The following IRAG1 variants were observed in gnomAD, a reference collection of about 807,000 sequenced individuals.
IRAG1 encodes the protein inositol 1,4,5-triphosphate receptor associated 1.
Under a neutral mutation model 106.2 loss-of-function variants are expected in IRAG1, and 62 were observed. The observed-to-expected ratio is 0.58, with a 90% CI of 0.48 to 0.72. IRAG1 has a LOEUF of 0.72. Ranked by LOEUF, IRAG1 falls within the 30% of genes least tolerant of loss-of-function variation. The probability of loss-of-function intolerance (pLI) is 0.00; values close to 1 mark genes in which losing one functional copy is unlikely to be tolerated. For missense variants in IRAG1, 1,064 were observed against 1,140.7 expected, an observed-to-expected ratio of 0.93 and a Z score of 0.97; for synonymous variants, 462 against 443.9, an observed-to-expected ratio of 1.04 and a Z score of -0.51.
At chr11:10,584,660 T>C (rs1851763890) in intron 18 of IRAG1, among the ~76,000 whole-genome samples, 2 of 150,170 alleles carry the variant, frequency 1.3e-5, no homozygotes, top group South Asian at 2.1e-4. Context: ...ATGTTAAGCA[T>C]GCGTGAAGGA....
At position 10,603,104 on chromosome 11, in the gene IRAG1, G is replaced by T; in HGVS notation, c.1875+16C>A. On this transcript the variant is annotated intron_variant, in intron 14 of 20. Transcript: ENST00000423302. ...GTGGAACAGAGTTGGCAAGACCGGGGGCTGGAGAGACTCACCTGGCGGACG... is the reference window on the plus strand; with the variant it reads ...GTGGAACAGAGTTGGCAAGACCGGGTGCTGGAGAGACTCACCTGGCGGACG... 1 of 1,605,942 alleles carries T rather than the reference G, an allele frequency of 6.2e-7. No homozygotes were observed.
At position 10,626,324 on chromosome 11, in the gene IRAG1, G is replaced by C. The variant is rs200259808; in HGVS notation, c.1010C>G (p.Thr337Arg). 265 of 1,613,310 alleles carry C rather than the reference G, an allele frequency of 1.6e-4. No homozygotes were observed. Among genetic ancestry groups the C allele is most frequent in the Non-Finnish European group, 2.0e-4 (241 of 1,179,658 alleles). Reference sequence around the variant, plus strand: ...CGGCAGAGGGCTGCCCTCCCAGCCCGTTTTCAAGAGCTGCTTCCCCAGCTC... The same window carrying C: ...CGGCAGAGGGCTGCCCTCCCAGCCCCTTTTCAAGAGCTGCTTCCCCAGCTC... ...ESELGKQLLK[T>R]GWEGSPLPRS... The change falls in exon 9 of 21, where the codon ACG (threonine) becomes AGG (arginine). Residue 337 changes from threonine (T) to arginine (R), a missense_variant. Physicochemically the swap from Thr to Arg is moderately conservative, Grantham distance 71 (BLOSUM62 -1). Transcript: ENST00000423302.
intron 15 of IRAG1, among the ~76,000 whole-genome samples, chr11:10,594,408 A>G (rs1853040244): frequency 6.6e-6 from 1 of 151,490 alleles, no homozygotes; most frequent in Admixed American, 6.6e-5. Context: ...CTTTATCCTA[A>G]CTCCCCTTCT....
chr11:10,657,443 T>G lies in IRAG1; in HGVS notation c.68-5261A>C, dbSNP rs924029356. 3.9e-5 allele frequency among the ~76,000 whole-genome samples: 6 copies of G among 151,904 alleles called. No individual in the cohort carries two copies. Among genetic ancestry groups the G allele is most frequent in the African/African-American group, 1.2e-4 (5 of 41,344 alleles). Reference sequence around the variant, plus strand: ...GCAACCTGCCTAGGAGAGACCAAACTCCTCTCTGAAACCACAGTATCCCAG... The same window carrying G: ...GCAACCTGCCTAGGAGAGACCAAACGCCTCTCTGAAACCACAGTATCCCAG... On this transcript the variant is annotated intron_variant, in intron 1 of 20. Transcript: ENST00000423302. This position sits in a 1 kb window ranked among gnomAD's most constrained non-coding sequence, Gnocchi z 4.1.
rs1332760296 is a variant in IRAG1 at position 10,629,731 on chromosome 11, TG to T, written c.401-21del. 1 of 1,609,356 alleles carries T rather than the reference TG, an allele frequency of 6.2e-7. No homozygotes were observed. Among genetic ancestry groups the T allele is most frequent in the African/African-American group, 1.3e-5 (1 of 74,976 alleles). On this transcript the variant is annotated intron_variant, in intron 4 of 20. Transcript: ENST00000423302. ...CGGGGTCTGCAGAAGGAGGATGAGC[TG>T]GGGTGAGAGCCACTGCATCCGTGGC...
chr11:10,588,956 T>G (rs1591554243), intron 18 of IRAG1: 2 of 152,320 alleles, frequency 1.3e-5, no homozygotes, highest in Admixed American at 1.3e-4. Context: ...TGAGCTTTGT[T>G]TTCTCTTCAT....
chr11:10,686,259 A>C (rs564010180), intron 1 of IRAG1, among the ~76,000 whole-genome samples: 1 of 152,304 alleles, frequency 6.6e-6, no homozygotes, highest in Admixed American at 6.5e-5. Context: ...CGCCCACGTC[A>C]AACAGTAAGT....
chr11:10,650,019 C>A (rs1218661085), intron 2 of IRAG1, among the ~76,000 whole-genome samples: 1 of 152,210 alleles, frequency 6.6e-6, no homozygotes, highest in East Asian at 1.9e-4. Context: ...GGGAAGAATG[C>A]ATGAGTGAAC....
chr11:10,676,025 A>G (rs553973377), intron 1 of IRAG1, among the ~76,000 whole-genome samples: 34 of 152,318 alleles, frequency 2.2e-4, no homozygotes, highest in African/African-American at 7.7e-4. Flanking sequence ...TAACCACTGC[A>G]TGGGGTTCCT....
intron 2 of IRAG1, among the ~76,000 whole-genome samples, chr11:10,639,211 T>C (rs373991362): frequency 6.6e-6 from 1 of 152,242 alleles, no homozygotes; most frequent in Non-Finnish European, 1.5e-5. Flanking sequence ...TGAGCCACCA[T>C]GCCTGGCCTT....
At chr11:10,693,436 A>C in intron 1 of IRAG1, 100 bp downstream of exon 1, 1 of 1,483,450 alleles carries the variant, frequency 6.7e-7, no homozygotes, top group South Asian at 1.3e-5. Context: ...GTTAAAGTTT[A>C]GCACCCCCAT....
chr11:10,680,248 G>T (rs1038474216), intron 1 of IRAG1, among the ~76,000 whole-genome samples: 1 of 145,368 alleles, frequency 6.9e-6, no homozygotes, highest in African/African-American at 2.6e-5. Flanking sequence ...ACTCCAGTCT[G>T]GGCAACAAGA....
At chr11:10,598,360 A>G (rs1165602357) in intron 15 of IRAG1, among the ~76,000 whole-genome samples, 2 of 152,214 alleles carry the variant, frequency 1.3e-5, no homozygotes, top group East Asian at 3.8e-4. Flanking sequence ...TCCAGCAGCA[A>G]TTTCTAAGTG....
intron 1 of IRAG1, among the ~76,000 whole-genome samples, chr11:10,654,185 C>G (rs1858742271): frequency 2.0e-5 from 3 of 152,008 alleles, no homozygotes; most frequent in African/African-American, 7.2e-5. Flanking sequence ...CCCCTAGAGT[C>G]AGGGCACTGG....
rs553214561 is a variant in IRAG1, at chr11:10,590,995, A to G, written c.2240+553T>C. ...ACTTCCTTCCAGATTTGTCAATGAG[A>G]TAATAGAGAAGACTGGTGAAAGGCT... is the stretch of plus-strand genomic sequence containing the variant. On this transcript the variant is annotated intron_variant, in intron 18 of 20. Coordinates refer to ENST00000423302, the MANE Select transcript of IRAG1 (RefSeq NM_130385.4). Among the ~76,000 whole-genome samples, 5 of 152,336 alleles carry G rather than the reference A, an allele frequency of 3.3e-5. No homozygotes were observed. The South Asian group carries it at 8.3e-4, about 25-fold the overall frequency.
In IRAG1 at chr11:10,657,508, T is replaced by C. The variant is rs576420074; in HGVS notation, c.68-5326A>G. 6.6e-6 allele frequency among the ~76,000 whole-genome samples: 1 copy of C among 152,328 alleles called. No homozygotes were observed. The highest frequency in any genetic ancestry group is 2.1e-4 in the South Asian group (1 of 4,830). ...AGCTAAGCGGCTCTCAGATTCTCTC[T>C]GTGAATCTTTGAGCATTGAGGGAAG... is the stretch of plus-strand genomic sequence containing the variant. On this transcript the variant is annotated intron_variant, in intron 1 of 20. Transcript: ENST00000423302. This position sits in a 1 kb window ranked among gnomAD's most constrained non-coding sequence, Gnocchi z 4.1.
rs1450443690 is a variant in IRAG1 at position 10,594,201 on chromosome 11, G to A, written c.2018-6C>T. The A allele has an allele frequency of 1.2e-5, 19 of 1,607,916 alleles. No individual in the cohort carries two copies. The highest frequency in any genetic ancestry group is 2.2e-5 in the East Asian group (1 of 44,754). ...CGTGCGAGGGACCCCATCTTCTGCA[G>A]CAGGAGGGAGCAGAGAAGAGAACAC... On this transcript the variant is annotated splice_polypyrimidine_tract_variant and splice_region_variant and intron_variant, in intron 15 of 20. Coordinates refer to ENST00000423302, the MANE Select transcript of IRAG1 (RefSeq NM_130385.4).
chr11:10,687,173 G>C (rs1421081685), intron 1 of IRAG1, among the ~76,000 whole-genome samples: 2 of 152,204 alleles, frequency 1.3e-5, no homozygotes, highest in Non-Finnish European at 2.9e-5. Context: ...GGCCCTGCCT[G>C]TCTCTCACTA....
intron 1 of IRAG1, among the ~76,000 whole-genome samples, chr11:10,691,740 G>A (rs943514343): frequency 1.3e-5 from 2 of 152,080 alleles, no homozygotes; most frequent in Non-Finnish European, 1.5e-5. Flanking sequence ...CTCGTGGAAA[G>A]CCTCAGATGC....
Sources: gnomAD v4.1 joint callset for allele counts (sites outside exome capture counted in the v4.1 genomes callset) on GRCh38, gnomAD v4.1.1 for gene constraint, Gnocchi (gnomAD v3.1) non-coding constraint, MANE v1.5 for transcripts, NCBI Gene and HGNC (gene_info 2026-07-23, HGNC 2026-07-21) for gene names.